The following CAMK4 variants were observed in gnomAD, a reference collection of about 807,000 sequenced individuals.
CAMK4 encodes calcium/calmodulin dependent protein kinase IV, also known as calcium/calmodulin-dependent protein kinase type IV.
Under a neutral mutation model 44.9 loss-of-function variants are expected in CAMK4, and 22 were observed. The observed-to-expected ratio is 0.49, with a 90% CI of 0.35 to 0.70. CAMK4 has a LOEUF of 0.70. Among genes scored for constraint, CAMK4 ranks in the 30% least tolerant of loss-of-function variants. The probability of loss-of-function intolerance (pLI) is 0.01; values close to 1 mark genes in which losing one functional copy is unlikely to be tolerated. For synonymous variants in CAMK4, 218 were observed against 215.4 expected (o/e 1.01, Z -0.11); for missense variants, 498 against 586.8 (o/e 0.85, Z 1.56).
chr5:111,279,364 C>A (rs1750908845), intron 1 of CAMK4, among the ~76,000 whole-genome samples: 1 of 152,072 alleles, frequency 6.6e-6, no homozygotes, highest in Non-Finnish European at 1.5e-5. Context: ...ACACTGGGAC[C>A]CTTCTGCAGA....
At chr5:111,235,317 G>A (rs1580459160) in intron 1 of CAMK4, among the ~76,000 whole-genome samples, 1 of 151,868 alleles carries the variant, frequency 6.6e-6, no homozygotes, top group East Asian at 1.9e-4. Flanking sequence ...CTCCGTCAGG[G>A]CAACCACTGA....
chr5:111,402,065 T>C (rs1207663446), intron 5 of CAMK4, among the ~76,000 whole-genome samples: 2 of 152,210 alleles, frequency 1.3e-5, no homozygotes, highest in African/African-American at 4.8e-5. Context: ...CACTGCAGGA[T>C]GAAAGAGTGC....
chr5:111,380,058 C>T (rs1376384774), intron 4 of CAMK4, among the ~76,000 whole-genome samples: 1 of 152,106 alleles, frequency 6.6e-6, no homozygotes, highest in African/African-American at 2.4e-5. Flanking sequence ...TCAGTTTGGT[C>T]TCAACTCTTA....
At chr5:111,410,128 C>T (rs935864196) in intron 5 of CAMK4, among the ~76,000 whole-genome samples, 1 of 152,134 alleles carries the variant, frequency 6.6e-6, no homozygotes, top group Non-Finnish European at 1.5e-5. Flanking sequence ...CTACCTGGTA[C>T]CAATTTACTG....
chr5:111,435,424 C>A (rs1016819729), intron 5 of CAMK4, among the ~76,000 whole-genome samples: 2 of 152,080 alleles, frequency 1.3e-5, no homozygotes, highest in African/African-American at 2.4e-5. Flanking sequence ...GCACAGCCAT[C>A]TTTCATAATG....
chr5:111,442,251 G>C (rs1363185258), intron 5 of CAMK4, among the ~76,000 whole-genome samples: 2 of 151,974 alleles, frequency 1.3e-5, no homozygotes, highest in East Asian at 3.9e-4. Flanking sequence ...CCCAGCACTT[G>C]GGGAGGCCGA....
intron 5 of CAMK4, among the ~76,000 whole-genome samples, chr5:111,396,680 ACC>A (rs1195320149): frequency 9.3e-6 from 1 of 107,298 alleles, no homozygotes; most frequent in African/African-American, 3.7e-5. Context: ...TCGCTCTGTC[ACC>A]CAGGCTGGAG....
Position 111,394,779 on chromosome 5 carries a change from T to C in CAMK4, c.456T>C (p.Val152=), listed in dbSNP as rs1561460078. 3 of 1,605,110 alleles carry C rather than the reference T, an allele frequency of 1.9e-6. No homozygotes were observed. Among genetic ancestry groups the C allele is most frequent in the Admixed American group, 1.7e-5 (1 of 59,888 alleles). Residue 152 remains valine (V), a synonymous_variant, in exon 5 of 11, where the codon GTT becomes GTC. Coordinates refer to ENST00000282356, the MANE Select transcript of CAMK4 (RefSeq NM_001744.6). ...ADAVKQILEA[V]AYLHENGIVH... ...CCGTTAAACAAATCCTGGAGGCAGT[T>C]GCTGTAAGTATGAAGTAACAGCAAT...
intron 1 of CAMK4, among the ~76,000 whole-genome samples, chr5:111,237,004 C>A (rs576052006): frequency 4.6e-5 from 7 of 152,328 alleles, no homozygotes; most frequent in Admixed American, 1.3e-4. Flanking sequence ...GAACCCACTT[C>A]TAAACTAGCA....
chr5:111,409,511 C>T (rs1752557472), intron 5 of CAMK4, among the ~76,000 whole-genome samples: 1 of 152,224 alleles, frequency 6.6e-6, no homozygotes, highest in South Asian at 2.1e-4. Context: ...GGAGGGGCTG[C>T]TGTGAAGGTC....
intron 1 of CAMK4, among the ~76,000 whole-genome samples, chr5:111,273,684 TA>T (rs1561377763): frequency 6.7e-5 from 3 of 44,470 alleles, no homozygotes; most frequent in Non-Finnish European, 1.1e-4. Flanking sequence ...CATTTATATA[TA>T]TATATATATA....
rs57215459 is a variant in CAMK4, at chr5:111,408,116, A to AAGAGAGAG, written c.459+13350_459+13357dup. On this transcript the variant is annotated intron_variant, in intron 5 of 10. Coordinates refer to ENST00000282356, the MANE Select transcript of CAMK4 (RefSeq NM_001744.6). ...AAAGTGAGACTCCATCAAAGAAAGA[A>AAGAGAGAG]AGAGAGAGAGAGAGAGAGAGAGAAA... Among the ~76,000 whole-genome samples the AAGAGAGAG allele has an allele frequency of 1.8e-3, 274 of 149,370 alleles. 1 individual carries two copies. The highest frequency in any genetic ancestry group is 6.3e-3 in the African/African-American group (258 of 40,892).
At chr5:111,325,376 C>T (rs1218850213) in intron 1 of CAMK4, among the ~76,000 whole-genome samples, 1 of 151,652 alleles carries the variant, frequency 6.6e-6, no homozygotes, top group Non-Finnish European at 1.5e-5. Context: ...GATATAATAC[C>T]CCGTAGTAGG....
intron 1 of CAMK4, chr5:111,266,180 A>G (rs1432809330): frequency 6.7e-6 from 1 of 149,172 alleles, no homozygotes; most frequent in East Asian, 2.0e-4. Flanking sequence ...AAGGTTTCCT[A>G]AATAAATATA....
intron 2 of CAMK4, among the ~76,000 whole-genome samples, chr5:111,349,974 G>A (rs180713715): frequency 6.6e-4 from 100 of 152,026 alleles, no homozygotes; most frequent in Non-Finnish European, 1.3e-3. Flanking sequence ...TCTAATCTCC[G>A]TGTGTAAAAT....
At position 111,391,522 on chromosome 5, in the gene CAMK4, A is replaced by G. The variant is rs562683925; in HGVS notation, c.387-3188A>G. The stretch of plus-strand genomic sequence containing the variant: ...TGAAAGCATGTCAGGAAGAACACCC[A>G]TAAAAAAAAAACATGAAAATAAGAC... On this transcript the variant is annotated intron_variant, in intron 4 of 10. Transcript: ENST00000282356. Among the ~76,000 whole-genome samples, 36 of 151,684 alleles carry G rather than the reference A, an allele frequency of 2.4e-4. No homozygotes were observed. The South Asian group carries it at 7.3e-3, about 31-fold the overall frequency.
At chr5:111,443,243 C>CATATATATATAT (rs1232548245) in intron 5 of CAMK4, among the ~76,000 whole-genome samples, 8 of 72,212 alleles carry the variant, frequency 1.1e-4, no homozygotes, top group South Asian at 4.9e-4. Flanking sequence ...CTCCCCCTAC[C>CATATATATATAT]ATATATATAT....
chr5:111,443,498 G>T (rs1753920853), intron 5 of CAMK4, among the ~76,000 whole-genome samples: 2 of 151,254 alleles, frequency 1.3e-5, no homozygotes, highest in Non-Finnish European at 2.9e-5. Flanking sequence ...TTTAAAGCTT[G>T]TTCCTTTGGT....
chr5:111,244,759 G>A (rs1381244236), intron 1 of CAMK4, among the ~76,000 whole-genome samples: 1 of 152,112 alleles, frequency 6.6e-6, no homozygotes, highest in East Asian at 1.9e-4. Context: ...TACTTGGGGG[G>A]CTGAGGCAAG....
Sources: gnomAD v4.1 joint callset for allele counts (sites outside exome capture counted in the v4.1 genomes callset) on GRCh38, gnomAD v4.1.1 for gene constraint, MANE v1.5 for transcripts, NCBI Gene and HGNC (gene_info 2026-07-23, HGNC 2026-07-21) for gene names.